LOC400499: variants seen among roughly 807,000 people sequenced by gnomAD.
At chr16:11,470,305 C>T in the LOC400499 span, among the ~76,000 whole-genome samples, 1 of 152,174 alleles carries the variant, frequency 6.6e-6, no homozygotes. Flanking sequence ...GAACATTGCC[C>T]TCCAGCACTG....
At chr16:11,458,286 T>C in the LOC400499 span, among the ~76,000 whole-genome samples, 1 of 151,832 alleles carries the variant, frequency 6.6e-6, no homozygotes, top group East Asian at 1.9e-4. Context: ...GCAGAAGTTG[T>C]AGTAAGCCAA....
the LOC400499 span, among the ~76,000 whole-genome samples, chr16:11,483,155 A>G: frequency 1.3e-5 from 2 of 152,204 alleles, no homozygotes; most frequent in African/African-American, 4.8e-5. Flanking sequence ...AAGTCTAACC[A>G]TATCGAGTGT....
At chr16:11,405,692 G>A in the LOC400499 span, among the ~76,000 whole-genome samples, 1 of 152,178 alleles carries the variant, frequency 6.6e-6, no homozygotes, top group Admixed American at 6.5e-5. Flanking sequence ...CTTGGTCCAC[G>A]CATTATTATT....
the LOC400499 span, among the ~76,000 whole-genome samples, chr16:11,428,137 T>C: frequency 6.6e-6 from 1 of 152,182 alleles, no homozygotes; most frequent in Non-Finnish European, 1.5e-5. Flanking sequence ...CTTGATTATA[T>C]GCTAAACTAG....
At chr16:11,484,148 C>A in the LOC400499 span, among the ~76,000 whole-genome samples, 1 of 151,730 alleles carries the variant, frequency 6.6e-6, no homozygotes, top group Non-Finnish European at 1.5e-5. Flanking sequence ...CCTGGGACTA[C>A]AGGCACCCAC....
At chr16:11,497,544 G>C in the LOC400499 span, among the ~76,000 whole-genome samples, 1 of 152,226 alleles carries the variant, frequency 6.6e-6, no homozygotes, top group South Asian at 2.1e-4. Context: ...GCCTGTCCCA[G>C]ACCAAAGCTG....
the LOC400499 span, chr16:11,383,809 G>C: frequency 4.1e-6 from 5 of 1,232,186 alleles, no homozygotes; most frequent in Non-Finnish European, 5.1e-6. Flanking sequence ...CCGAGTCACT[G>C]TCCACACCCT....
At chr16:11,396,757 GCAGCAGCTGCCACCTCCCAGC>G in the LOC400499 span, 3 of 1,138,380 alleles carry the variant, frequency 2.6e-6, no homozygotes, top group Admixed American at 4.2e-5. Flanking sequence ...CGAGAATGCA[GCAGCAGCTGCCACCTCCCAGC>G]CTCCACACCT....
the LOC400499 span, chr16:11,398,448 C>G: frequency 6.5e-6 from 8 of 1,232,148 alleles, no homozygotes; most frequent in African/African-American, 3.1e-5. Flanking sequence ...ACAAGAGGCC[C>G]CGAGGACGTG....
At chr16:11,519,344 G>A in the LOC400499 span, among the ~76,000 whole-genome samples, 2 of 152,318 alleles carry the variant, frequency 1.3e-5, no homozygotes, top group African/African-American at 4.8e-5. Context: ...ACCATGGGGT[G>A]TGTGTGGTGG....
At chr16:11,461,189 A>G in the LOC400499 span, 1 of 1,470,286 alleles carries the variant, frequency 6.8e-7, no homozygotes, top group Non-Finnish European at 9.0e-7. Context: ...CCCCAGGCAA[A>G]GAAGGGACTC....
chr16:11,524,724 C>G, the LOC400499 span, among the ~76,000 whole-genome samples: 2 of 152,076 alleles, frequency 1.3e-5, no homozygotes, highest in Non-Finnish European at 2.9e-5. Flanking sequence ...AGCTCCCTCC[C>G]TGGGAAGGCC....
the LOC400499 span, among the ~76,000 whole-genome samples, chr16:11,518,073 G>T: frequency 6.6e-6 from 1 of 152,122 alleles, no homozygotes; most frequent in Admixed American, 6.5e-5. Context: ...AATAGCAAGT[G>T]GCAGTGTGGC....
chr16:11,524,919 T>G, the LOC400499 span, among the ~76,000 whole-genome samples: 33 of 152,228 alleles, frequency 2.2e-4, no homozygotes, highest in African/African-American at 6.7e-4. Flanking sequence ...TAATACCACT[T>G]CCATCCTCAA....
the LOC400499 span, chr16:11,488,993 A>G: frequency 2.5e-6 from 1 of 395,912 alleles, no homozygotes; most frequent in Non-Finnish European, 4.4e-6. Context: ...GGGGCTTCTC[A>G]GGAGTCTGGC....
chr16:11,461,234 C>T, the LOC400499 span: 4 of 1,296,784 alleles, frequency 3.1e-6, no homozygotes, highest in Non-Finnish European at 4.1e-6. Flanking sequence ...TTGGGGGCTC[C>T]TTGAAGAGCC....
At chr16:11,526,919 G>A in the LOC400499 span, among the ~76,000 whole-genome samples, 1 of 152,130 alleles carries the variant, frequency 6.6e-6, no homozygotes, top group Non-Finnish European at 1.5e-5. Context: ...TGCTGGTGGA[G>A]CATGTGAGTG....
the LOC400499 span, among the ~76,000 whole-genome samples, chr16:11,444,192 A>T: frequency 6.6e-6 from 1 of 152,098 alleles, no homozygotes; most frequent in South Asian, 2.1e-4. Flanking sequence ...AATCCAAGAG[A>T]TCAAGACCAG....
chr16:11,478,261 C>A, the LOC400499 span, among the ~76,000 whole-genome samples: 1 of 151,650 alleles, frequency 6.6e-6, no homozygotes. Context: ...CTCCTGATCT[C>A]AGGTGATCCA....
Sources: gnomAD v4.1 joint callset for allele counts (sites outside exome capture counted in the v4.1 genomes callset) on GRCh38, gnomAD v4.1.1 for gene constraint, MANE v1.5 for transcripts.